KPNA1: variants seen among roughly 807,000 people sequenced by gnomAD.
The protein encoded by KPNA1 is importin subunit alpha-5.
KPNA1 carries 10 observed loss-of-function variants against 70.5 expected under a neutral mutation model. The ratio of observed to expected loss-of-function variants is 0.14; its 90% confidence interval spans 0.09 to 0.24. The LOEUF is 0.24. KPNA1 is among the 10% of genes least tolerant of loss of function. The pLI, the probability that KPNA1 is intolerant of heterozygous loss-of-function variation, is 1.00. For synonymous variants in KPNA1, 192 were observed against 221.9 expected (o/e 0.87, Z 1.20); for missense variants, 397 against 637.9 (o/e 0.62, Z 4.07).
intron 10 of KPNA1, among the ~76,000 whole-genome samples, chr3:122,441,373 T>C (rs1288852111): frequency 6.7e-6 from 1 of 148,700 alleles, no homozygotes; most frequent in Non-Finnish European, 1.5e-5. Flanking sequence ...GGACTTACCA[T>C]GTACAAAAGG....
chr3:122,429,944 T>TTTTA (rs2075878603), intron 12 of KPNA1, among the ~76,000 whole-genome samples: 1 of 152,058 alleles, frequency 6.6e-6, no homozygotes. Context: ...TAATTATTTT[T>TTTTA]TTCATTCATT....
chr3:122,460,120 T>G, intron 5 of KPNA1: 1 of 985,376 alleles, frequency 1.0e-6, no homozygotes, highest in South Asian at 4.7e-5. Context: ...AGCTGCATAG[T>G]CTCAGGGCCC....
chr3:122,481,183 T>C (rs2076566690), intron 2 of KPNA1, among the ~76,000 whole-genome samples: 1 of 152,218 alleles, frequency 6.6e-6, no homozygotes, highest in Non-Finnish European at 1.5e-5. Flanking sequence ...GCATACCGTA[T>C]AGTACATACA....
rs1408342487 is a variant in KPNA1, at chr3:122,423,970, T to C, written c.*3015A>G. The C allele has an allele frequency of 6.6e-6, 1 of 152,186 alleles. No homozygotes were observed. The highest frequency in any genetic ancestry group is 2.4e-5 in the African/African-American group (1 of 41,452). 9.4% of individuals were successfully genotyped at this position (152,186 alleles called of 1,614,324 possible). On this transcript the variant is annotated 3_prime_UTR_variant, in exon 14 of 14. Transcript: ENST00000344337. ...GTTACAGGAACATGAAAGAAAGTGT[T>C]CCACAGAGAACTGTGTCTCCTAAAA...
Position 122,512,498 on chromosome 3 carries a change from G to A in KPNA1, c.-6+2259C>T, listed in dbSNP as rs548573451. Reference sequence around the variant, plus strand: ...GAACTTCGGGAGGCCGAGGAGGGCGGATTGCGTGAGCTCAGGAGTTCGAGA... The same window carrying A: ...GAACTTCGGGAGGCCGAGGAGGGCGAATTGCGTGAGCTCAGGAGTTCGAGA... On this transcript the variant is annotated intron_variant, in intron 1 of 13. Transcript: ENST00000344337. Among the ~76,000 whole-genome samples, 377 of 152,352 alleles carry A rather than the reference G, an allele frequency of 2.5e-3. 3 individuals carry two copies. The highest frequency in any genetic ancestry group is 7.0e-3 in the African/African-American group (291 of 41,588).
intron 10 of KPNA1, among the ~76,000 whole-genome samples, chr3:122,438,229 G>A (rs1016634047): frequency 2.0e-5 from 3 of 152,130 alleles, no homozygotes; most frequent in African/African-American, 7.2e-5. Flanking sequence ...CGTCACATAA[G>A]ACAAGCCTGC....
intron 1 of KPNA1, among the ~76,000 whole-genome samples, chr3:122,509,836 C>T (rs1483305652): frequency 6.6e-6 from 1 of 152,076 alleles, no homozygotes; most frequent in Admixed American, 6.5e-5. Flanking sequence ...CAAATAATAA[C>T]AAAAACTTTC....
At chr3:122,444,408 A>G (rs2076107558) in intron 9 of KPNA1, among the ~76,000 whole-genome samples, 1 of 152,238 alleles carries the variant, frequency 6.6e-6, no homozygotes, top group Non-Finnish European at 1.5e-5. Flanking sequence ...AGGAAATTAT[A>G]AGAGTATTGA....
intron 1 of KPNA1, among the ~76,000 whole-genome samples, chr3:122,501,173 C>T (rs1019894969): frequency 2.6e-5 from 4 of 151,506 alleles, no homozygotes; most frequent in Admixed American, 6.6e-5. Flanking sequence ...GGGTTACAGG[C>T]GACTGCCATC....
At chr3:122,458,854 T>C (rs1183035479) in intron 5 of KPNA1, among the ~76,000 whole-genome samples, 1 of 152,144 alleles carries the variant, frequency 6.6e-6, no homozygotes, top group African/African-American at 2.4e-5. Context: ...AGGTCCCCAC[T>C]AGTCACAGTG....
At chr3:122,458,384 T>A (rs73190121) in intron 5 of KPNA1, among the ~76,000 whole-genome samples, 2,986 of 152,302 alleles carry the variant, frequency 0.02, 84 homozygotes, top group East Asian at 0.12. Context: ...ATTCCACCCA[T>A]GTTCACCTTC....
At chr3:122,433,557 G>T in intron 12 of KPNA1, 104 bp downstream of exon 12, 1 of 907,834 alleles carries the variant, frequency 1.1e-6, no homozygotes, top group Non-Finnish European at 1.6e-6. Flanking sequence ...TCCCCTCAAA[G>T]GCAGCTAATC....
chr3:122,454,022 T>G, intron 5 of KPNA1, 21 bp from the exon 6 acceptor site: 1 of 1,497,336 alleles, frequency 6.7e-7, no homozygotes, highest in Non-Finnish European at 9.1e-7. Context: ...AAAAATAATT[T>G]TCATTATCTT....
chr3:122,477,626 A>G (rs1452987183), intron 2 of KPNA1, among the ~76,000 whole-genome samples: 1 of 152,016 alleles, frequency 6.6e-6, no homozygotes, highest in Non-Finnish European at 1.5e-5. Context: ...GGCTACGGTG[A>G]CCCACAATCA....
At chr3:122,465,975 C>T (rs2076375961) in intron 3 of KPNA1, among the ~76,000 whole-genome samples, 1 of 152,206 alleles carries the variant, frequency 6.6e-6, no homozygotes, top group Non-Finnish European at 1.5e-5. Context: ...CTCATTGGTT[C>T]TGTTTCTCTG....
In KPNA1 at chr3:122,424,490, GA is replaced by G. The variant is rs538135958; in HGVS notation, c.*2494del. ...AAAAAATCATTTTATTGTTAAAAAA[GA>G]AAAAAAAACTTAGATCTTATAGTTC... On this transcript the variant is annotated 3_prime_UTR_variant, in exon 14 of 14. Coordinates refer to ENST00000344337, the MANE Select transcript of KPNA1 (RefSeq NM_002264.4). 979 of 150,966 alleles carry G rather than the reference GA, an allele frequency of 6.5e-3. 6 individuals carry two copies. The highest frequency in any genetic ancestry group is 0.011 in the Non-Finnish European group (721 of 67,530). 9.4% of individuals were successfully genotyped at this position (150,966 alleles called of 1,614,324 possible).
At chr3:122,446,728 C>G (rs1333130060) in intron 9 of KPNA1, among the ~76,000 whole-genome samples, 5 of 152,120 alleles carry the variant, frequency 3.3e-5, no homozygotes, top group Non-Finnish European at 5.9e-5. Flanking sequence ...ATAAATGAAT[C>G]CAGGAGCTGG....
At chr3:122,441,951 T>C (rs1054833919) in intron 10 of KPNA1, 87 bp downstream of exon 10, 5 of 983,810 alleles carry the variant, frequency 5.1e-6, no homozygotes, top group Non-Finnish European at 4.8e-6. Context: ...CCTAATAATA[T>C]GGAGTAAAAT....
At chr3:122,490,910 T>G (rs1342403911) in intron 2 of KPNA1, among the ~76,000 whole-genome samples, 1 of 152,192 alleles carries the variant, frequency 6.6e-6, no homozygotes, top group African/African-American at 2.4e-5. Context: ...AAATATGAAT[T>G]TCCTTTATTC....
Sources: allele counts gnomAD v4.1 joint callset (sites outside exome capture counted in the v4.1 genomes callset), GRCh38; gene constraint gnomAD v4.1.1; transcripts MANE v1.5; gene names NCBI Gene and HGNC (gene_info 2026-07-23, HGNC 2026-07-21).